C1orf105: variants seen among roughly 807,000 people sequenced by gnomAD.
The protein encoded by C1orf105 is uncharacterized protein C1orf105.
In C1orf105, 17 loss-of-function variants were observed where a neutral mutation model predicts 20.8. The observed-to-expected ratio is 0.82, with a 90% CI of 0.56 to 1.23. The LOEUF is 1.23. C1orf105 is among the 50% of genes most tolerant of loss of function. The pLI is 0.00. For missense variants in C1orf105, 219 were observed against 213.5 expected, an observed-to-expected ratio of 1.03 and a Z score of -0.16; for synonymous variants, 72 against 72.1, an observed-to-expected ratio of 1.00 and a Z score of 0.01.
rs187572189 is a variant in C1orf105, at chr1:172,460,374, T to A, written c.274-1804T>A. On this transcript the variant is annotated intron_variant, in intron 4 of 6. Transcript: ENST00000367727. Reference sequence around the variant, plus strand: ...ACCTGCTGACAGTTATGGTTGTGAATCACCAGTGATATTTGCCTTGGTTTT... The same window carrying A: ...ACCTGCTGACAGTTATGGTTGTGAAACACCAGTGATATTTGCCTTGGTTTT... Among the ~76,000 whole-genome samples the A allele has an allele frequency of 1.8e-3, 269 of 151,784 alleles. 1 individual carries two copies. The highest frequency in any genetic ancestry group is 6.4e-3 in the African/African-American group (265 of 41,390).
chr1:172,441,947 G>T, intron 1 of C1orf105: 1 of 1,614,172 alleles, frequency 6.2e-7, no homozygotes, highest in Admixed American at 1.7e-5. Context: ...ACATAGCTCC[G>T]GGGAGTACAT....
chr1:172,448,383 G>T, intron 2 of C1orf105, 58 bp from the exon 3 acceptor site: 1 of 1,168,434 alleles, frequency 8.6e-7, no homozygotes, highest in Non-Finnish European at 1.3e-6. Context: ...ACAACCAAGG[G>T]CCTGGCTCTT....
At chr1:172,425,701 C>G (rs2071705576) in intron 1 of C1orf105, among the ~76,000 whole-genome samples, 1 of 152,148 alleles carries the variant, frequency 6.6e-6, no homozygotes, top group African/African-American at 2.4e-5. Context: ...TTGCACTGTT[C>G]TGAGGAGGTT....
chr1:172,428,947 ATT>A (rs2071791585), intron 1 of C1orf105: 2 of 573,094 alleles, frequency 3.5e-6, no homozygotes, highest in South Asian at 4.4e-5. Flanking sequence ...ATTTTGTTGG[ATT>A]TTGGGGGATA....
At chr1:172,437,506 G>A (rs1042027324) in intron 1 of C1orf105, among the ~76,000 whole-genome samples, 3 of 142,842 alleles carry the variant, frequency 2.1e-5, no homozygotes, top group African/African-American at 7.8e-5. Flanking sequence ...AACACCACAT[G>A]TTCTCACTCA....
At chr1:172,447,058 T>C (rs1648095497) in intron 2 of C1orf105, among the ~76,000 whole-genome samples, 1 of 152,164 alleles carries the variant, frequency 6.6e-6, no homozygotes. Flanking sequence ...AAAAGTCTTT[T>C]GAAAGGATGG....
Position 172,423,129 on chromosome 1 carries a change from G to A in C1orf105, c.21+2223G>A, listed in dbSNP as rs555749288. On this transcript the variant is annotated intron_variant, in intron 1 of 6. Transcript: ENST00000367727. ...TGATTGTAGCGCCCTAGAGCCTTGA[G>A]CGAACATAGATGGTAGCCACGTAAT... is the stretch of plus-strand genomic sequence containing the variant. Among the ~76,000 whole-genome samples the A allele has an allele frequency of 1.3e-4, 20 of 152,330 alleles. 1 individual carries two copies. The highest frequency in any genetic ancestry group is 4.6e-4 in the African/African-American group (19 of 41,566).
chr1:172,431,072 C>T (rs998400652), intron 1 of C1orf105: 27 of 662,028 alleles, frequency 4.1e-5, no homozygotes, highest in Non-Finnish European at 6.3e-5. Flanking sequence ...TTTCCTGAGA[C>T]ACAACAGTAT....
At position 172,444,179 on chromosome 1, in the gene C1orf105, G is replaced by C. The variant is rs542339469; in HGVS notation, c.22-894G>C. Reference sequence around the variant, plus strand: ...CCTCCTGGCTGCTCGAAGGACCTCCGGTCTCCTCTCCTGGAGACTGGCCCA... The same window carrying C: ...CCTCCTGGCTGCTCGAAGGACCTCCCGTCTCCTCTCCTGGAGACTGGCCCA... On this transcript the variant is annotated intron_variant, in intron 1 of 6. Coordinates refer to ENST00000367727, the MANE Select transcript of C1orf105 (RefSeq NM_139240.4). 20 of 986,718 alleles carry C rather than the reference G, an allele frequency of 2.0e-5. No individual in the cohort carries two copies. In the South Asian group the frequency reaches 7.0e-4, roughly 35 times the overall value. 61.1% of individuals were successfully genotyped at this position (986,718 alleles called of 1,614,324 possible).
At position 172,468,697 on chromosome 1, in the gene C1orf105, C is replaced by A; in HGVS notation, c.*103C>A. Reference sequence around the variant, plus strand: ...CTCCTCACAATTTTCTCTCTTCTCCCAAAAGATGATTTAATTTTGCCTTCC... The same window carrying A: ...CTCCTCACAATTTTCTCTCTTCTCCAAAAAGATGATTTAATTTTGCCTTCC... On this transcript the variant is annotated 3_prime_UTR_variant, in exon 7 of 7. Transcript: ENST00000367727. 1.5e-6 allele frequency: 2 copies of A among 1,303,318 alleles called. No homozygotes were observed. The highest frequency in any genetic ancestry group is 1.5e-5 in the South Asian group (1 of 64,676). The allele number at this position is 1,303,318 out of a possible 1,614,324, so 80.7% of individuals were successfully genotyped here.
intron 6 of C1orf105, chr1:172,465,674 C>G (rs1470701815): frequency 1.2e-5 from 6 of 502,270 alleles, no homozygotes; most frequent in Non-Finnish European, 2.3e-5. Flanking sequence ...AAAAGTTCCC[C>G]TATTGGCAGT....
chr1:172,438,206 A>C (rs1344902035), intron 1 of C1orf105, among the ~76,000 whole-genome samples: 1 of 152,228 alleles, frequency 6.6e-6, no homozygotes, highest in East Asian at 1.9e-4. Flanking sequence ...ATCCATTCTG[A>C]AGTCCATGGA....
intron 1 of C1orf105, among the ~76,000 whole-genome samples, chr1:172,423,818 T>C (rs562417071): frequency 2.6e-5 from 4 of 151,834 alleles, no homozygotes; most frequent in African/African-American, 4.8e-5. Flanking sequence ...AAAAATGCCA[T>C]TGACATACTG....
chr1:172,423,723 A>G (rs773876730), intron 1 of C1orf105, among the ~76,000 whole-genome samples: 2 of 152,136 alleles, frequency 1.3e-5, no homozygotes, highest in Non-Finnish European at 2.9e-5. Context: ...GATAACACAG[A>G]GAGGGAGAAT....
chr1:172,460,007 G>A lies in C1orf105; in HGVS notation c.274-2171G>A, dbSNP rs1445015599. Among the ~76,000 whole-genome samples, 4 of 152,246 alleles carry A rather than the reference G, an allele frequency of 2.6e-5. No individual in the cohort carries two copies. The East Asian group carries it at 7.7e-4, about 29-fold the overall frequency. On this transcript the variant is annotated intron_variant, in intron 4 of 6. Coordinates refer to ENST00000367727, the MANE Select transcript of C1orf105 (RefSeq NM_139240.4). ...AATGTCCAAAATAGGAAAATTCAGA[G>A]ACAGAAAATAGACAGTGGTTGTCAA... is the stretch of plus-strand genomic sequence containing the variant.
At chr1:172,444,968 G>C in intron 1 of C1orf105, 105 bp from the exon 2 acceptor site, 1 of 795,120 alleles carries the variant, frequency 1.3e-6, no homozygotes, top group South Asian at 2.0e-5. Flanking sequence ...AAAATGGTTT[G>C]TAAAGTGTTC....
chr1:172,463,552 T>A (rs923014726), intron 5 of C1orf105, among the ~76,000 whole-genome samples: 4 of 152,218 alleles, frequency 2.6e-5, no homozygotes, highest in Non-Finnish European at 4.4e-5. Flanking sequence ...TCTACATTTT[T>A]AAAGAGCTCT....
At chr1:172,453,259 G>A in intron 3 of C1orf105, 1 of 1,471,976 alleles carries the variant, frequency 6.8e-7, no homozygotes, top group Non-Finnish European at 9.1e-7. Flanking sequence ...CAGGATTAGA[G>A]CATCCGCCTC....
rs182373838 is a variant in C1orf105 at position 172,433,414 on chromosome 1, A to G, written c.22-11659A>G. Among the ~76,000 whole-genome samples the G allele has an allele frequency of 6.4e-4, 97 of 152,296 alleles. 1 individual carries two copies. Among genetic ancestry groups the G allele is most frequent in the African/African-American group, 1.6e-3 (68 of 41,564 alleles). ...ACTAACAGTAGACCTCTCAGCAGAA[A>G]CCCTACAAGCCAGAAGAGAGTGGGG... is the stretch of plus-strand genomic sequence containing the variant. On this transcript the variant is annotated intron_variant, in intron 1 of 6. Transcript: ENST00000367727.
Sources: allele counts gnomAD v4.1 joint callset (sites outside exome capture counted in the v4.1 genomes callset), GRCh38; gene constraint gnomAD v4.1.1; transcripts MANE v1.5; gene names NCBI Gene and HGNC (gene_info 2026-07-23, HGNC 2026-07-21).